The following ZBTB44 variants were observed in gnomAD, a reference collection of about 807,000 sequenced individuals.
ZBTB44 encodes zinc finger and BTB domain containing 44.
ZBTB44 carries 15 observed loss-of-function variants against 54.0 expected under a neutral mutation model. The ratio of observed to expected loss-of-function variants is 0.28; its 90% CI spans 0.19 to 0.43. The LOEUF is 0.43. Ranked by LOEUF, ZBTB44 falls within the 20% of genes least tolerant of loss-of-function variation. The probability of loss-of-function intolerance (pLI) is 1.00; values close to 1 mark genes in which losing one functional copy is unlikely to be tolerated. For synonymous variants in ZBTB44, 230 were observed against 250.1 expected, an observed-to-expected ratio of 0.92 and a Z score of 0.76; for missense variants, 487 against 707.1, an observed-to-expected ratio of 0.69 and a Z score of 3.53.
chr11:130,279,939 T>C (rs1940386995), intron 1 of ZBTB44, among the ~76,000 whole-genome samples: 2 of 152,222 alleles, frequency 1.3e-5, no homozygotes, highest in Admixed American at 1.3e-4. Flanking sequence ...GCCAAGTCTC[T>C]AAAGCTGGGG....
chr11:130,260,921 T>C lies in ZBTB44; in HGVS notation c.953A>G (p.Gln318Arg). The change falls in exon 2 of 8, where the codon CAG becomes CGG. Residue 318 changes from glutamine to arginine, a missense_variant. By Grantham distance (43) the Gln-to-Arg change is conservative. This residue lies in a region of ZBTB44 where 277 missense variants were observed against 306.5 expected (regional missense o/e 0.90). Coordinates refer to ENST00000357899, the MANE Select transcript of ZBTB44 (RefSeq NM_001301098.2). ...SASQSSLSDQ[Q>R]TVPGSEQVQE... ...GACTTGTTCACTTCCTGGAACTGTC[T>C]GCTGATCACTCAGCGAACTCTGAGA... 1 of 1,614,064 alleles carries C rather than the reference T, an allele frequency of 6.2e-7. No individual in the cohort carries two copies. Among genetic ancestry groups the C allele is most frequent in the Non-Finnish European group, 8.5e-7 (1 of 1,179,906 alleles).
intron 2 of ZBTB44, among the ~76,000 whole-genome samples, chr11:130,258,226 A>C (rs1208789145): frequency 6.6e-6 from 1 of 152,220 alleles, no homozygotes; most frequent in African/African-American, 2.4e-5. Context: ...GAATCAATGG[A>C]ATATAATAAA....
chr11:130,226,929 T>C lies in ZBTB44; in HGVS notation c.*4835A>G, dbSNP rs1442434372. 6.6e-6 allele frequency: 1 copy of C among 152,138 alleles called. No homozygotes were observed. The highest frequency in any genetic ancestry group is 1.5e-5 in the Non-Finnish European group (1 of 68,038). 9.4% of individuals were successfully genotyped at this position (152,138 alleles called of 1,614,324 possible). A position where few individuals can be genotyped will look rare whatever the true frequency, so the allele number is the denominator to read the frequency against. Reference sequence around the variant, plus strand: ...GTACTCAATACATATTTTCCTTATATCAAACAAGCTAATTTCAGTACAATA... The same window carrying C: ...GTACTCAATACATATTTTCCTTATACCAAACAAGCTAATTTCAGTACAATA... On this transcript the variant is annotated 3_prime_UTR_variant, in exon 8 of 8. Coordinates refer to ENST00000357899, the MANE Select transcript of ZBTB44 (RefSeq NM_001301098.2).
intron 1 of ZBTB44, among the ~76,000 whole-genome samples, chr11:130,279,402 T>TA (rs1940348841): frequency 6.6e-6 from 1 of 151,704 alleles, no homozygotes; most frequent in Non-Finnish European, 1.5e-5. Flanking sequence ...CTCACACCTG[T>TA]AATACCAGCA....
At chr11:130,291,169 T>C (rs1290512059) in intron 1 of ZBTB44, among the ~76,000 whole-genome samples, 2 of 152,106 alleles carry the variant, frequency 1.3e-5, no homozygotes, top group Non-Finnish European at 2.9e-5. Context: ...TCTCATTCTG[T>C]TGCCCAGGCT....
At chr11:130,260,536 A>AAT (rs1393154059) in intron 2 of ZBTB44, among the ~76,000 whole-genome samples, 1 of 152,224 alleles carries the variant, frequency 6.6e-6, no homozygotes, top group Non-Finnish European at 1.5e-5. Context: ...ATGTATCATA[A>AAT]ATGTTTGCTT....
At chr11:130,247,190 T>A (rs1031650555) in intron 2 of ZBTB44, among the ~76,000 whole-genome samples, 1 of 152,162 alleles carries the variant, frequency 6.6e-6, no homozygotes, top group African/African-American at 2.4e-5. Flanking sequence ...CCATGGTGTA[T>A]AATCTCCCTT....
At chr11:130,303,151 G>A (rs931578239) in intron 1 of ZBTB44, among the ~76,000 whole-genome samples, 5 of 152,154 alleles carry the variant, frequency 3.3e-5, no homozygotes, top group Non-Finnish European at 5.9e-5. Context: ...GTTAAGATTG[G>A]AATAAAAGAA....
In ZBTB44 at chr11:130,226,738, CTCATGTTTCTA is replaced by C. The variant is rs1208914025; in HGVS notation, c.*5015_*5025del. On this transcript the variant is annotated 3_prime_UTR_variant, in exon 8 of 8. Transcript: ENST00000357899. ...AACGAAAACAAAATCAAACCTTAGT[CTCATGTTTCTA>C]TCTAAAGACACTCAAAACTAGTTTT... 2.0e-5 allele frequency: 3 copies of C among 152,168 alleles called. No individual in the cohort carries two copies. The highest frequency in any genetic ancestry group is 1.3e-4 in the Admixed American group (2 of 15,284). 9.4% of individuals were successfully genotyped at this position (152,168 alleles called of 1,614,324 possible).
chr11:130,261,677 T>A lies in ZBTB44; in HGVS notation c.197A>T (p.Asp66Val). ...CAGATCCAACACATTCTTGTTCTCATCCTCGGCTTGGCCTACAAGTTTGGT... is the reference window on the plus strand; with the variant it reads ...CAGATCCAACACATTCTTGTTCTCAACCTCGGCTTGGCCTACAAGTTTGGT... ...FRTKLVGQAE[D>V]ENKNVLDLHH... The change falls in exon 2 of 8, where the codon GAT becomes GTT. Residue 66 changes from aspartate to valine, a missense_variant. Transcript: ENST00000357899. This position sits in a 1 kb window ranked among gnomAD's most constrained non-coding sequence, Gnocchi z 4.8. 1 of 1,614,040 alleles carries A rather than the reference T, an allele frequency of 6.2e-7. No homozygotes were observed.
intron 1 of ZBTB44, among the ~76,000 whole-genome samples, chr11:130,286,536 T>C (rs1314512064): frequency 2.0e-5 from 3 of 152,198 alleles, no homozygotes; most frequent in South Asian, 2.1e-4. Context: ...CTACAGAAGA[T>C]TGCTCCAAGG....
intron 1 of ZBTB44, chr11:130,296,808 G>C: frequency 1.3e-6 from 1 of 751,852 alleles, no homozygotes; most frequent in Non-Finnish European, 2.5e-6. Flanking sequence ...ATACATATGA[G>C]GTTATGATTC....
chr11:130,285,313 T>TA (rs1162907317), intron 1 of ZBTB44: 1 of 147,572 alleles, frequency 6.8e-6, no homozygotes. Context: ...TTTTTTGAGA[T>TA]AGAGTTTCGC....
intron 1 of ZBTB44, among the ~76,000 whole-genome samples, chr11:130,300,557 C>T (rs894590259): frequency 2.6e-5 from 4 of 152,042 alleles, no homozygotes; most frequent in South Asian, 2.1e-4. Flanking sequence ...AAAGTGAAGG[C>T]GGGGTATCAG....
At position 130,238,618 on chromosome 11, in the gene ZBTB44, C is replaced by A. The variant is rs1321580721; in HGVS notation, c.1104-11G>T. ...TGAACATTTTCCAATCTAAAAAAAA[C>A]AGACCAAAGAAGGCAACCAGGCTCT... On this transcript the variant is annotated splice_polypyrimidine_tract_variant and intron_variant, in intron 3 of 7. Coordinates refer to ENST00000357899, the MANE Select transcript of ZBTB44 (RefSeq NM_001301098.2). The A allele has an allele frequency of 3.1e-6, 5 of 1,605,292 alleles. No homozygotes were observed. Among genetic ancestry groups the A allele is most frequent in the Admixed American group, 1.7e-5 (1 of 58,470 alleles).
chr11:130,308,755 T>C (rs1464923400), intron 1 of ZBTB44, among the ~76,000 whole-genome samples: 1 of 152,182 alleles, frequency 6.6e-6, no homozygotes, highest in Non-Finnish European at 1.5e-5. Context: ...GTAGTGTATG[T>C]ATTTTACTGA....
rs2136233439 is a variant in ZBTB44 at position 130,227,898 on chromosome 11, A to G, written c.*3866T>C. On this transcript the variant is annotated 3_prime_UTR_variant, in exon 8 of 8. Transcript: ENST00000357899. Reference sequence around the variant, plus strand: ...ATGCTTCTCTGGAAAGACACTTCTAAATCCTGGAGATTAAATTTACTCTTA... The same window carrying G: ...ATGCTTCTCTGGAAAGACACTTCTAGATCCTGGAGATTAAATTTACTCTTA... 6.6e-6 allele frequency: 1 copy of G among 152,268 alleles called. No individual in the cohort carries two copies. Among genetic ancestry groups the G allele is most frequent in the Admixed American group, 6.5e-5 (1 of 15,278 alleles). The allele number at this position is 152,268 out of a possible 1,614,324, so 9.4% of individuals were successfully genotyped here. A position where few individuals can be genotyped will look rare whatever the true frequency, so the allele number is the denominator to read the frequency against.
chr11:130,235,364 T>C (rs1191580584), intron 5 of ZBTB44, among the ~76,000 whole-genome samples: 1 of 152,222 alleles, frequency 6.6e-6, no homozygotes, highest in African/African-American at 2.4e-5. Context: ...GAACAAACTA[T>C]GTTTAATATG....
At position 130,230,308 on chromosome 11, in the gene ZBTB44, T is replaced by C. The variant is rs1271481217; in HGVS notation, c.*1456A>G. Reference sequence around the variant, plus strand: ...CCATTTATAAACTGGGAGAGTCTCCTGAACCAGCCTATTAGTTAGAAGGTA... The same window carrying C: ...CCATTTATAAACTGGGAGAGTCTCCCGAACCAGCCTATTAGTTAGAAGGTA... On this transcript the variant is annotated 3_prime_UTR_variant, in exon 8 of 8. Transcript: ENST00000357899. 4 of 151,888 alleles carry C rather than the reference T, an allele frequency of 2.6e-5. No homozygotes were observed. The highest frequency in any genetic ancestry group is 5.9e-5 in the Non-Finnish European group (4 of 67,896). The allele number at this position is 151,888 out of a possible 1,614,324, so 9.4% of individuals were successfully genotyped here.
Sources: gnomAD v4.1 joint callset for allele counts (sites outside exome capture counted in the v4.1 genomes callset) on GRCh38, gnomAD v4.1.1 for gene constraint, gnomAD v4.1.1 regional missense constraint, Gnocchi (gnomAD v3.1) non-coding constraint, MANE v1.5 for transcripts, NCBI Gene and HGNC (gene_info 2026-07-23, HGNC 2026-07-21) for gene names.